The following OPHN1 variants were observed in gnomAD, a reference collection of about 807,000 sequenced individuals.
The protein encoded by OPHN1 is oligophrenin-1.
OPHN1 carries 11 observed loss-of-function variants against 60.7 expected under a neutral mutation model. That is an observed-to-expected ratio of 0.18 (90% CI 0.11 to 0.30). OPHN1 has a LOEUF of 0.30. Among genes scored for constraint, OPHN1 ranks in the 10% least tolerant of loss-of-function variants. OPHN1 has a pLI of 1.00. For synonymous variants in OPHN1, 226 were observed against 222.6 expected (o/e 1.02, Z -0.14); for missense variants, 449 against 611.0 (o/e 0.73, Z 2.80).
chrX:68,056,658 T>C (rs2076874339), intron 21 of OPHN1, among the ~76,000 whole-genome samples: 1 of 111,115 alleles, frequency 9.0e-6, no homozygotes, highest in African/African-American at 3.3e-5. Context: ...TTCAAAGCAC[T>C]CTCCCAGACG....
intron 19 of OPHN1, among the ~76,000 whole-genome samples, chrX:68,094,988 C>T (rs1051292246): frequency 4.5e-5 from 5 of 111,202 alleles, no homozygotes; most frequent in Admixed American, 9.6e-5. Flanking sequence ...CTCCTCATTT[C>T]CTTATTTTCT....
chrX:68,071,848 T>C (rs2076936020), intron 20 of OPHN1: 2 of 346,177 alleles, frequency 5.8e-6, no homozygotes, highest in African/African-American at 2.6e-5. Context: ...TGCAGAATCC[T>C]GATTTCCATA....
chrX:68,099,075 T>A (rs1040074381), intron 18 of OPHN1, among the ~76,000 whole-genome samples: 6 of 111,673 alleles, frequency 5.4e-5, no homozygotes, highest in Non-Finnish European at 9.4e-5. Context: ...ACCTTCTGAT[T>A]CTCTGAGGGA....
chrX:68,182,062 C>CATAT, intron 15 of OPHN1, among the ~76,000 whole-genome samples: 1 of 110,780 alleles, frequency 9.0e-6, no homozygotes, highest in Non-Finnish European at 1.9e-5. Flanking sequence ...ATCTCCCGGA[C>CATAT]GACTGGTGGG....
At chrX:68,288,403 T>C (rs1379016960) in intron 3 of OPHN1, among the ~76,000 whole-genome samples, 1 of 111,178 alleles carries the variant, frequency 9.0e-6, no homozygotes, top group Non-Finnish European at 1.9e-5. Flanking sequence ...CCACAAATGG[T>C]GTTTTCTTCT....
At chrX:68,323,150 G>A (rs1023265154) in intron 2 of OPHN1, among the ~76,000 whole-genome samples, 1 of 111,670 alleles carries the variant, frequency 9.0e-6, no homozygotes, top group African/African-American at 3.2e-5. Context: ...TGCATAGAAC[G>A]ATACATATAC....
At chrX:68,216,397 C>A (rs986255593) in intron 6 of OPHN1, among the ~76,000 whole-genome samples, 2 of 110,796 alleles carry the variant, frequency 1.8e-5, no homozygotes, top group Non-Finnish European at 3.8e-5. Context: ...TTATCTATGA[C>A]CCTTTTAAAC....
At chrX:68,167,956 A>C (rs1001656159) in intron 15 of OPHN1, among the ~76,000 whole-genome samples, 21 of 111,323 alleles carry the variant, frequency 1.9e-4, no homozygotes, top group African/African-American at 6.5e-4. Context: ...CATTACGTTA[A>C]GGAAAATAAG....
intron 6 of OPHN1, among the ~76,000 whole-genome samples, chrX:68,222,550 C>G (rs866257071): frequency 5.3e-4 from 53 of 100,924 alleles, no homozygotes; most frequent in Non-Finnish European, 9.8e-4. Flanking sequence ...CAATGATAGA[C>G]TGGATTAAGA....
intron 5 of OPHN1, among the ~76,000 whole-genome samples, chrX:68,239,340 C>T (rs1041863698): frequency 3.6e-5 from 4 of 110,707 alleles, no homozygotes; most frequent in African/African-American, 6.6e-5. Flanking sequence ...GATGTCCAAC[C>T]ACTTGTGTCT....
intron 2 of OPHN1, among the ~76,000 whole-genome samples, chrX:68,359,503 A>G (rs1057492502): frequency 2.7e-5 from 3 of 111,074 alleles, no homozygotes; most frequent in Non-Finnish European, 5.6e-5. Flanking sequence ...AAGAAATAAC[A>G]TATCCATCCC....
intron 2 of OPHN1, among the ~76,000 whole-genome samples, chrX:68,317,376 A>AAAGAAAGAAAGGAAGGAAGGAAGG (rs1555970490): frequency 2.0e-4 from 10 of 50,580 alleles, no homozygotes; most frequent in East Asian, 5.5e-4. Context: ...AGAAAGAAAG[A>AAAGAAAGAAAGGAAGGAAGGAAGG]AAGGAAGGAA....
chrX:68,114,586 C>T (rs2077119462), intron 16 of OPHN1, among the ~76,000 whole-genome samples: 1 of 110,813 alleles, frequency 9.0e-6, no homozygotes, highest in African/African-American at 3.3e-5. Flanking sequence ...CTGAATGAGA[C>T]CCCTACCTCT....
chrX:68,400,483 C>T (rs898651029), intron 2 of OPHN1, among the ~76,000 whole-genome samples: 9 of 111,423 alleles, frequency 8.1e-5, no homozygotes, highest in African/African-American at 2.9e-4. Context: ...CACAGTTCTG[C>T]AGGCTGTACA....
At chrX:68,088,897 A>G (rs2077005733) in intron 19 of OPHN1, among the ~76,000 whole-genome samples, 2 of 110,540 alleles carry the variant, frequency 1.8e-5, no homozygotes. Context: ...GTTTAAAGCT[A>G]TTTTTCCATT....
chrX:68,426,553 TA>T (rs764495921), intron 2 of OPHN1, among the ~76,000 whole-genome samples: 5,595 of 44,330 alleles, frequency 0.13, 576 homozygotes, highest in African/African-American at 0.38. Context: ...ACATCTGTTT[TA>T]TATATATATA....
chrX:68,151,311 CAGCAGATAAT>C (rs772738221), intron 15 of OPHN1, among the ~76,000 whole-genome samples: 2 of 112,179 alleles, frequency 1.8e-5, no homozygotes, highest in South Asian at 7.4e-4. Flanking sequence ...CAAAAACAGG[CAGCAGATAAT>C]AGTTTGTCAT....
chrX:68,114,721 C>A (rs1227991451), intron 16 of OPHN1, among the ~76,000 whole-genome samples: 1 of 111,030 alleles, frequency 9.0e-6, no homozygotes, highest in Non-Finnish European at 1.9e-5. Context: ...GGAGGGCAAG[C>A]CTGCAATGAG....
intron 15 of OPHN1, among the ~76,000 whole-genome samples, chrX:68,176,479 C>A (rs1054849743): frequency 9.0e-6 from 1 of 111,394 alleles, no homozygotes; most frequent in Non-Finnish European, 1.9e-5. Flanking sequence ...AATGAGATAC[C>A]ACCTCACACC....
Sources: allele counts gnomAD v4.1 joint callset (sites outside exome capture counted in the v4.1 genomes callset), GRCh38; gene constraint gnomAD v4.1.1; transcripts MANE v1.5; gene names NCBI Gene and HGNC (gene_info 2026-07-23, HGNC 2026-07-21).